The following KPNA3 variants were observed in gnomAD, a reference collection of about 807,000 sequenced individuals.
The protein encoded by KPNA3 is karyopherin subunit alpha 3.
KPNA3 carries 13 observed loss-of-function variants against 73.8 expected under a neutral mutation model. That is an observed-to-expected ratio of 0.18 (90% CI 0.11 to 0.28). The LOEUF (loss-of-function observed/expected upper bound fraction) is 0.28. Among genes scored for constraint, KPNA3 ranks in the 10% least tolerant of loss-of-function variants. The probability of loss-of-function intolerance (pLI) is 1.00; values close to 1 mark genes in which losing one functional copy is unlikely to be tolerated. For missense variants in KPNA3, 360 were observed against 618.1 expected, an observed-to-expected ratio of 0.58 and a Z score of 4.43; for synonymous variants, 186 against 206.9, an observed-to-expected ratio of 0.90 and a Z score of 0.87.
intron 2 of KPNA3, among the ~76,000 whole-genome samples, chr13:49,737,781 G>A (rs1954537856): frequency 1.3e-5 from 2 of 152,052 alleles, no homozygotes; most frequent in South Asian, 4.1e-4. Flanking sequence ...GGCTCTTACT[G>A]CTGAGTTCTG....
intron 16 of KPNA3, 24 bp from the exon 17 acceptor site, chr13:49,701,922 C>T: frequency 2.7e-6 from 4 of 1,495,768 alleles, no homozygotes; most frequent in Non-Finnish European, 3.7e-6. Context: ...GAAAAAAATC[C>T]TTATTAGGTT....
intron 1 of KPNA3, among the ~76,000 whole-genome samples, chr13:49,755,477 T>C (rs1489666614): frequency 1.3e-5 from 2 of 152,094 alleles, no homozygotes; most frequent in African/African-American, 2.4e-5. Flanking sequence ...GAAAATAAAG[T>C]AAAAGGCATA....
chr13:49,732,511 T>A, intron 5 of KPNA3, 45 bp from the exon 6 acceptor site: 1 of 1,478,840 alleles, frequency 6.8e-7, no homozygotes, highest in Non-Finnish European at 9.4e-7. Context: ...ATTTTCAAAC[T>A]GTGAAAAGAA....
intron 7 of KPNA3, among the ~76,000 whole-genome samples, chr13:49,724,498 A>G (rs1038269165): frequency 3.9e-5 from 6 of 152,020 alleles, no homozygotes; most frequent in African/African-American, 1.4e-4. Flanking sequence ...TAGTAGAGAC[A>G]GGGTTTCACC....
chr13:49,772,062 A>C (rs2137594789), intron 1 of KPNA3, among the ~76,000 whole-genome samples: 1 of 152,314 alleles, frequency 6.6e-6, no homozygotes, highest in East Asian at 1.9e-4. Flanking sequence ...TATTAGCTCT[A>C]ATAGTTTTTA....
intron 2 of KPNA3, among the ~76,000 whole-genome samples, chr13:49,736,376 TA>T (rs920607549): frequency 1.3e-5 from 2 of 152,214 alleles, no homozygotes; most frequent in African/African-American, 2.4e-5. Context: ...AAAATAACAC[TA>T]CTGGTTCATG....
chr13:49,710,032 CG>C (rs1411320330), intron 11 of KPNA3, among the ~76,000 whole-genome samples: 4 of 151,860 alleles, frequency 2.6e-5, no homozygotes, highest in Non-Finnish European at 4.4e-5. Flanking sequence ...GAGGCCGAGG[CG>C]GGGGGGATCA....
chr13:49,736,116 A>T (rs1954519023), intron 2 of KPNA3, among the ~76,000 whole-genome samples: 1 of 152,104 alleles, frequency 6.6e-6, no homozygotes, highest in Non-Finnish European at 1.5e-5. Context: ...TTAAATCTTC[A>T]TCTAGTTTAG....
At chr13:49,775,937 T>C (rs1422621888) in intron 1 of KPNA3, among the ~76,000 whole-genome samples, 1 of 152,170 alleles carries the variant, frequency 6.6e-6, no homozygotes, top group African/African-American at 2.4e-5. Context: ...TTTATTTAGT[T>C]CCAAGCCTCT....
At chr13:49,732,812 A>C in intron 3 of KPNA3, 36 bp from the exon 4 acceptor site, 1 of 1,479,712 alleles carries the variant, frequency 6.8e-7, no homozygotes, top group Middle Eastern at 1.8e-4. Flanking sequence ...AGCAGAGTTT[A>C]TTAACAAAAT....
intron 2 of KPNA3, among the ~76,000 whole-genome samples, chr13:49,739,296 T>C (rs117523952): frequency 0.032 from 4,801 of 152,246 alleles, 119 homozygotes; most frequent in Non-Finnish European, 0.048. Flanking sequence ...GTTGAAAATA[T>C]AAGTAACAGG....
intron 6 of KPNA3, among the ~76,000 whole-genome samples, chr13:49,731,908 T>C (rs1954473601): frequency 6.6e-6 from 1 of 152,204 alleles, no homozygotes; most frequent in Non-Finnish European, 1.5e-5. Context: ...TTATCATGGA[T>C]GAAGTTCTGT....
chr13:49,735,410 C>T (rs1438135760), intron 2 of KPNA3, among the ~76,000 whole-genome samples: 1 of 152,166 alleles, frequency 6.6e-6, no homozygotes, highest in Non-Finnish European at 1.5e-5. Flanking sequence ...TCGTGAGCCA[C>T]CGCGCCCGCC....
At chr13:49,723,978 A>C (rs988252066) in intron 7 of KPNA3, among the ~76,000 whole-genome samples, 6 of 152,162 alleles carry the variant, frequency 3.9e-5, no homozygotes, top group Admixed American at 3.9e-4. Flanking sequence ...GGCAACCATT[A>C]AATATCTGCT....
chr13:49,740,799 C>G (rs888858933), intron 2 of KPNA3, among the ~76,000 whole-genome samples: 1 of 152,146 alleles, frequency 6.6e-6, no homozygotes, highest in Non-Finnish European at 1.5e-5. Context: ...AATATCTCCC[C>G]AAATCCCTGT....
At chr13:49,719,849 A>G (rs770113860) in intron 9 of KPNA3, 30 bp from the exon 10 acceptor site, 5 of 1,377,330 alleles carry the variant, frequency 3.6e-6, no homozygotes, top group South Asian at 1.2e-5. Flanking sequence ...AATACTTAAC[A>G]TTAGTTAATT....
At chr13:49,731,471 TAA>T (rs1304543061) in intron 6 of KPNA3, among the ~76,000 whole-genome samples, 1 of 152,154 alleles carries the variant, frequency 6.6e-6, no homozygotes, top group East Asian at 1.9e-4. Flanking sequence ...GATAGTATTT[TAA>T]AAAGTGTTAC....
intron 1 of KPNA3, among the ~76,000 whole-genome samples, chr13:49,758,036 C>T (rs1240878996): frequency 6.6e-6 from 1 of 151,910 alleles, no homozygotes; most frequent in Non-Finnish European, 1.5e-5. Flanking sequence ...ACATCAGATG[C>T]TGAGGGGGAA....
intron 2 of KPNA3, among the ~76,000 whole-genome samples, chr13:49,733,253 C>T (rs1267885073): frequency 6.6e-6 from 1 of 150,838 alleles, no homozygotes; most frequent in Non-Finnish European, 1.5e-5. Context: ...CTTTTACACA[C>T]ACACACTTCA....
Sources: allele counts gnomAD v4.1 joint callset (sites outside exome capture counted in the v4.1 genomes callset), GRCh38; gene constraint gnomAD v4.1.1; transcripts MANE v1.5; gene names NCBI Gene and HGNC (gene_info 2026-07-23, HGNC 2026-07-21).